RAD54B: variants seen among roughly 807,000 people sequenced by gnomAD.
RAD54B encodes the protein RAD54 homolog B.
Under a neutral mutation model 95.8 loss-of-function variants are expected in RAD54B, and 78 were observed. That is an observed-to-expected ratio of 0.81 (90% CI 0.68 to 0.98). RAD54B has a LOEUF of 0.98. RAD54B is among the 50% of genes least tolerant of loss of function. The pLI is 0.00. For synonymous variants in RAD54B, 328 were observed against 354.9 expected (o/e 0.92, Z 0.85); for missense variants, 957 against 1,056.6 (o/e 0.91, Z 1.31).
intron 9 of RAD54B, among the ~76,000 whole-genome samples, chr8:94,392,305 A>G (rs2129987347): frequency 6.6e-6 from 1 of 152,254 alleles, no homozygotes; most frequent in African/African-American, 2.4e-5. Context: ...TCTATCACCC[A>G]GGCTGGAGTG....
Position 94,380,152 on chromosome 8 carries a change from T to C in RAD54B, c.2240A>G (p.Asp747Gly), listed in dbSNP as rs1349869154. 6.2e-7 allele frequency: 1 copy of C among 1,608,210 alleles called. No homozygotes were observed. Among genetic ancestry groups the C allele is most frequent in the Non-Finnish European group, 8.5e-7 (1 of 1,176,332 alleles). ...ATGCATAAATATTCCTACCTGAATG[T>C]CAGTGGCTGGATTCCAATCAATGTC... Reference protein sequence around the residue: ...LYDIDWNPATDIQAMSRVWRD... With the variant: ...LYDIDWNPATGIQAMSRVWRD... The change falls in exon 12 of 15, where the codon GAC becomes GGC. Residue 747 changes from aspartate to glycine, a missense_variant. Asp to Gly is a moderately conservative substitution (Grantham distance 94, BLOSUM62 -1). Transcript: ENST00000336148.
chr8:94,418,172 T>C (rs11784394), intron 3 of RAD54B, among the ~76,000 whole-genome samples: 1 of 152,202 alleles, frequency 6.6e-6, no homozygotes, highest in Admixed American at 6.5e-5. Flanking sequence ...TATGTTATTG[T>C]GGATATATTT....
chr8:94,432,080 A>C (rs1324051141), intron 3 of RAD54B: 1 of 1,487,376 alleles, frequency 6.7e-7, no homozygotes, highest in Non-Finnish European at 8.9e-7. Flanking sequence ...CCCAAATTAA[A>C]GTAATTTGGC....
intron 5 of RAD54B, among the ~76,000 whole-genome samples, chr8:94,405,452 A>G (rs994368586): frequency 6.6e-6 from 1 of 152,216 alleles, no homozygotes; most frequent in African/African-American, 2.4e-5. Flanking sequence ...TGTCACAGGA[A>G]TAAGAGTTTA....
intron 3 of RAD54B, chr8:94,432,034 C>T (rs1274302953): frequency 2.2e-6 from 3 of 1,394,200 alleles, no homozygotes; most frequent in Non-Finnish European, 2.8e-6. Flanking sequence ...AGATTAACAA[C>T]ATTTTTCAAG....
intron 3 of RAD54B, chr8:94,436,556 T>C: frequency 6.4e-7 from 1 of 1,550,484 alleles, no homozygotes; most frequent in South Asian, 1.2e-5. Flanking sequence ...ATCATCTCCA[T>C]AACTTTCTTG....
intron 3 of RAD54B, among the ~76,000 whole-genome samples, chr8:94,456,091 G>C (rs1812773239): frequency 6.6e-6 from 1 of 152,132 alleles, no homozygotes; most frequent in African/African-American, 2.4e-5. Flanking sequence ...CACCTGTGGA[G>C]CTTGGATCAA....
At chr8:94,434,909 A>AC (rs1812214459) in intron 3 of RAD54B, among the ~76,000 whole-genome samples, 3 of 151,522 alleles carry the variant, frequency 2.0e-5, no homozygotes, top group African/African-American at 7.2e-5. Context: ...TGAATATTGT[A>AC]AATATTCACA....
At chr8:94,411,952 T>C (rs955300061) in intron 3 of RAD54B, among the ~76,000 whole-genome samples, 1 of 152,126 alleles carries the variant, frequency 6.6e-6, no homozygotes, top group African/African-American at 2.4e-5. Context: ...ATAGTCACCA[T>C]GTTATACAAT....
At chr8:94,410,335 T>C (rs1482816549) in intron 4 of RAD54B, among the ~76,000 whole-genome samples, 2 of 152,224 alleles carry the variant, frequency 1.3e-5, no homozygotes, top group Non-Finnish European at 2.9e-5. Context: ...GTAAAACTTC[T>C]CATTGAAACA....
intron 3 of RAD54B, among the ~76,000 whole-genome samples, chr8:94,443,809 C>A (rs941028057): frequency 2.9e-4 from 44 of 151,816 alleles, no homozygotes; most frequent in African/African-American, 1.0e-3. Context: ...CCAGGTGTAT[C>A]CTTAAACTTT....
intron 4 of RAD54B, among the ~76,000 whole-genome samples, chr8:94,410,863 T>C (rs1322012872): frequency 1.3e-5 from 2 of 152,142 alleles, no homozygotes; most frequent in Admixed American, 6.5e-5. Flanking sequence ...AATAACTATA[T>C]ATAGCTGGCT....
rs1811258005 is a variant in RAD54B, at chr8:94,401,158, ATACATAAGT to A, written c.945-704_945-696del. Among the ~76,000 whole-genome samples, 3 of 152,226 alleles carry A rather than the reference ATACATAAGT, an allele frequency of 2.0e-5. No homozygotes were observed. The South Asian group carries it at 6.2e-4, about 32-fold the overall frequency. Reference sequence around the variant, plus strand: ...CAAGGGAATTAAGGATATTACCAAAATACATAAGTATACAGTTGACCACTGAACAAGAAG... The same window carrying A: ...CAAGGGAATTAAGGATATTACCAAAAATACAGTTGACCACTGAACAAGAAG... On this transcript the variant is annotated intron_variant, in intron 6 of 14. Coordinates refer to ENST00000336148, the MANE Select transcript of RAD54B (RefSeq NM_012415.3).
intron 6 of RAD54B, among the ~76,000 whole-genome samples, chr8:94,402,346 T>C (rs1383061649): frequency 6.6e-6 from 1 of 151,784 alleles, no homozygotes; most frequent in Non-Finnish European, 1.5e-5. Context: ...CTCCGCCTCC[T>C]GGATTCAAGT....
chr8:94,391,771 G>C lies in RAD54B; in HGVS notation c.1647C>G (p.Cys549Trp). 1 of 1,614,016 alleles carries C rather than the reference G, an allele frequency of 6.2e-7. No individual in the cohort carries two copies. Among genetic ancestry groups the C allele is most frequent in the Middle Eastern group, 1.6e-4 (1 of 6,062 alleles). The change falls in exon 10 of 15, where the codon TGC (cysteine) becomes TGG (tryptophan). Residue 549 changes from cysteine to tryptophan, a missense_variant. Transcript: ENST00000336148. ...GCTCAATCTGTAGTGCTCCTGGTCG[G>C]CAAAAGACAACATTCTCTATTTTAG... is the stretch of plus-strand genomic sequence containing the variant. ...LPPKIENVVFCRPGALQIELY... is the reference protein window; with the variant it reads ...LPPKIENVVFWRPGALQIELY...
At chr8:94,449,365 T>C (rs1812600218) in intron 3 of RAD54B, among the ~76,000 whole-genome samples, 2 of 152,118 alleles carry the variant, frequency 1.3e-5, no homozygotes, top group Non-Finnish European at 2.9e-5. Context: ...CCCAGCACTT[T>C]GGGAGGCAGA....
chr8:94,429,937 C>T, intron 3 of RAD54B: 2 of 985,346 alleles, frequency 2.0e-6, no homozygotes, highest in Non-Finnish European at 2.4e-6. Context: ...GCCACTCCTC[C>T]TAAATCACAA....
At chr8:94,422,617 A>ATATAT (rs1180368787) in intron 3 of RAD54B, among the ~76,000 whole-genome samples, 1 of 43,574 alleles carries the variant, frequency 2.3e-5, no homozygotes, top group Non-Finnish European at 3.9e-5. Flanking sequence ...AAAAAAAAAA[A>ATATAT]ATATATATAT....
intron 3 of RAD54B, among the ~76,000 whole-genome samples, chr8:94,437,142 G>A (rs918354566): frequency 1.3e-5 from 2 of 152,212 alleles, no homozygotes; most frequent in South Asian, 2.1e-4. Flanking sequence ...GGAACAGCTC[G>A]AGACAGGATT....
Sources: allele counts gnomAD v4.1 joint callset (sites outside exome capture counted in the v4.1 genomes callset), GRCh38; gene constraint gnomAD v4.1.1; transcripts MANE v1.5; gene names NCBI Gene and HGNC (gene_info 2026-07-23, HGNC 2026-07-21).